The following RPS6KA5 variants were observed in gnomAD, a reference collection of about 807,000 sequenced individuals.
RPS6KA5 encodes the protein ribosomal protein S6 kinase A5, also known as ribosomal protein S6 kinase alpha-5.
In RPS6KA5, 27 loss-of-function variants were observed where a neutral mutation model predicts 85.5. That is an observed-to-expected ratio of 0.32 (90% confidence interval 0.23 to 0.44). The LOEUF (loss-of-function observed/expected upper bound fraction) is 0.44. RPS6KA5 is among the 20% of genes least tolerant of loss of function. The pLI, the probability that RPS6KA5 is intolerant of heterozygous loss-of-function variation, is 1.00. For synonymous variants in RPS6KA5, 334 were observed against 348.2 expected, an observed-to-expected ratio of 0.96 and a Z score of 0.46; for missense variants, 811 against 980.9, an observed-to-expected ratio of 0.83 and a Z score of 2.31.
chr14:90,904,043 G>C (rs1239273721), intron 8 of RPS6KA5, among the ~76,000 whole-genome samples: 1 of 151,394 alleles, frequency 6.6e-6, no homozygotes, highest in Admixed American at 6.6e-5. Context: ...TCCACCTCCT[G>C]AGTTCACGCC....
intron 3 of RPS6KA5, among the ~76,000 whole-genome samples, chr14:90,964,604 G>C (rs779704849): frequency 7.2e-5 from 11 of 151,966 alleles, no homozygotes; most frequent in African/African-American, 2.4e-4. Context: ...TAAATTGGTA[G>C]GATGGATTCC....
chr14:90,945,499 C>T (rs1312501753), intron 4 of RPS6KA5, among the ~76,000 whole-genome samples: 1 of 152,148 alleles, frequency 6.6e-6, no homozygotes, highest in Non-Finnish European at 1.5e-5. Context: ...CCATTTTTGC[C>T]TCTTCCTGTG....
intron 3 of RPS6KA5, among the ~76,000 whole-genome samples, chr14:90,956,179 T>C (rs2038498533): frequency 6.6e-6 from 1 of 152,194 alleles, no homozygotes; most frequent in South Asian, 2.1e-4. Flanking sequence ...TTTTTTTTTA[T>C]CCGTAGGGTG....
At chr14:91,053,033 T>G (rs77539400) in intron 1 of RPS6KA5, among the ~76,000 whole-genome samples, 2 of 152,032 alleles carry the variant, frequency 1.3e-5, no homozygotes, top group Non-Finnish European at 2.9e-5. Flanking sequence ...CAAACAAGAT[T>G]TATCCCAGGA....
chr14:91,008,727 T>C (rs570421897), intron 1 of RPS6KA5, among the ~76,000 whole-genome samples: 2 of 152,310 alleles, frequency 1.3e-5, no homozygotes, highest in African/African-American at 4.8e-5. Flanking sequence ...AAAATAGGTA[T>C]ATGGAACTAG....
At chr14:90,991,616 A>G (rs1350525895) in intron 2 of RPS6KA5, among the ~76,000 whole-genome samples, 1 of 147,556 alleles carries the variant, frequency 6.8e-6, no homozygotes, top group Non-Finnish European at 1.5e-5. Context: ...GCAGGAAAAT[A>G]GCTTGAACTT....
chr14:90,915,693 C>G (rs917161204), intron 7 of RPS6KA5, among the ~76,000 whole-genome samples: 1 of 151,800 alleles, frequency 6.6e-6, no homozygotes, highest in African/African-American at 2.4e-5. Context: ...TGTAATCGAG[C>G]AACTGGGGAG....
chr14:91,024,872 G>C (rs2041925856), intron 1 of RPS6KA5, among the ~76,000 whole-genome samples: 1 of 151,972 alleles, frequency 6.6e-6, no homozygotes, highest in Admixed American at 6.6e-5. Context: ...TTTTTTCATA[G>C]AGCCAATTTT....
At chr14:90,936,679 T>G (rs764855828) in intron 5 of RPS6KA5, among the ~76,000 whole-genome samples, 18 of 152,208 alleles carry the variant, frequency 1.2e-4, no homozygotes, top group Non-Finnish European at 2.2e-4. Context: ...TAGGGTCTAG[T>G]GCAATACCTG....
intron 5 of RPS6KA5, among the ~76,000 whole-genome samples, chr14:90,923,781 A>G (rs2036524728): frequency 6.6e-6 from 1 of 152,212 alleles, no homozygotes; most frequent in Admixed American, 6.6e-5. Context: ...GATGGTAAAC[A>G]AAACTGTCTT....
At chr14:90,983,184 G>A (rs1240003896) in intron 2 of RPS6KA5, among the ~76,000 whole-genome samples, 1 of 151,546 alleles carries the variant, frequency 6.6e-6, no homozygotes, top group African/African-American at 2.4e-5. Flanking sequence ...GGCTAAGGCA[G>A]GAGAATCGCT....
rs1465129816 is a variant in RPS6KA5 at position 90,992,523 on chromosome 14, T to C, written c.175+8565A>G. On this transcript the variant is annotated intron_variant, in intron 2 of 16. Coordinates refer to ENST00000614987, the MANE Select transcript of RPS6KA5 (RefSeq NM_004755.4). ...AGAAAATACACACAAGGTTTGACTA[T>C]ATAAATTTGATATTAAAAATTTCAC... is the stretch of plus-strand genomic sequence containing the variant. 3.3e-5 allele frequency among the ~76,000 whole-genome samples: 5 copies of C among 152,254 alleles called. No individual in the cohort carries two copies. In the East Asian group the frequency reaches 9.6e-4, roughly 29 times the overall value.
chr14:91,042,241 T>G (rs2042633130), intron 1 of RPS6KA5, among the ~76,000 whole-genome samples: 1 of 152,148 alleles, frequency 6.6e-6, no homozygotes, highest in South Asian at 2.1e-4. Context: ...CTGGGCACAG[T>G]GGCTCACACC....
intron 2 of RPS6KA5, among the ~76,000 whole-genome samples, chr14:90,988,478 C>T (rs925691823): frequency 2.0e-5 from 3 of 152,216 alleles, no homozygotes; most frequent in African/African-American, 7.2e-5. Flanking sequence ...ACCTATACTA[C>T]ACTAAGATGG....
intron 1 of RPS6KA5, among the ~76,000 whole-genome samples, chr14:91,013,463 T>TA (rs372862679): frequency 6.8e-4 from 98 of 143,858 alleles, no homozygotes; most frequent in African/African-American, 1.5e-3. Context: ...AACAGCAGGG[T>TA]AAAAAAAAAA....
chr14:90,884,715 T>G (rs1680267759), intron 14 of RPS6KA5, among the ~76,000 whole-genome samples: 1 of 152,226 alleles, frequency 6.6e-6, no homozygotes. Flanking sequence ...TAAAATATCC[T>G]TCTATTGTTG....
At chr14:90,881,340 C>T (rs1315777727) in intron 14 of RPS6KA5, among the ~76,000 whole-genome samples, 1 of 151,062 alleles carries the variant, frequency 6.6e-6, no homozygotes, top group Non-Finnish European at 1.5e-5. Flanking sequence ...GTAATCCCAG[C>T]TACTTGGGAG....
At chr14:90,878,783 G>A (rs1416196255) in intron 14 of RPS6KA5, among the ~76,000 whole-genome samples, 1 of 152,192 alleles carries the variant, frequency 6.6e-6, no homozygotes, top group East Asian at 1.9e-4. Flanking sequence ...CATTTTGGAG[G>A]TAGCATACGT....
intron 3 of RPS6KA5, among the ~76,000 whole-genome samples, chr14:90,959,985 G>A (rs2038714138): frequency 6.6e-6 from 1 of 152,110 alleles, no homozygotes; most frequent in Non-Finnish European, 1.5e-5. Context: ...TGCCCTGAGA[G>A]CCCACACCAC....
Sources: allele counts gnomAD v4.1 joint callset (sites outside exome capture counted in the v4.1 genomes callset), GRCh38; gene constraint gnomAD v4.1.1; transcripts MANE v1.5; gene names NCBI Gene and HGNC (gene_info 2026-07-23, HGNC 2026-07-21).